CENPW: variants seen among roughly 807,000 people sequenced by gnomAD.
CENPW encodes the protein centromere protein W.
CENPW carries 3 observed loss-of-function variants against 11.1 expected under a neutral mutation model. The observed-to-expected ratio is 0.27, with a 90% confidence interval of 0.12 to 0.70. The LOEUF is 0.70. CENPW is among the 30% of genes least tolerant of loss of function. The pLI is 0.77. For synonymous variants in CENPW, 38 were observed against 42.0 expected (o/e 0.91, Z 0.37); for missense variants, 100 against 105.6 (o/e 0.95, Z 0.23).
At chr6:126,378,389 G>A in the CENPW span, among the ~76,000 whole-genome samples, 1 of 151,264 alleles carries the variant, frequency 6.6e-6, no homozygotes, top group Admixed American at 6.6e-5. Context: ...ACCATGGTAC[G>A]ACAACTCATT....
chr6:126,415,986 T>A, the CENPW span, among the ~76,000 whole-genome samples: 1 of 151,940 alleles, frequency 6.6e-6, no homozygotes, highest in Non-Finnish European at 1.5e-5. Context: ...CAGGCAGAGG[T>A]TGGAACAGTT....
At chr6:126,421,082 G>A in the CENPW span, among the ~76,000 whole-genome samples, 1 of 151,930 alleles carries the variant, frequency 6.6e-6, no homozygotes, top group African/African-American at 2.4e-5. Flanking sequence ...CCAGTACCAA[G>A]GGATTTGGAA....
At chr6:126,398,922 C>A in the CENPW span, among the ~76,000 whole-genome samples, 2 of 151,648 alleles carry the variant, frequency 1.3e-5, no homozygotes, top group African/African-American at 2.4e-5. Context: ...TATTTGATTC[C>A]GTTCCTGTGT....
downstream of CENPW, among the ~76,000 whole-genome samples, chr6:126,353,498 T>C (rs1780514807): frequency 6.6e-6 from 1 of 152,032 alleles, no homozygotes; most frequent in African/African-American, 2.4e-5. Flanking sequence ...TGCTAAAGGT[T>C]TTTCTTTCTG....
chr6:126,368,980 T>C, the CENPW span, among the ~76,000 whole-genome samples: 7 of 152,138 alleles, frequency 4.6e-5, no homozygotes, highest in African/African-American at 7.2e-5. Flanking sequence ...ATTGTATTAT[T>C]CTTATGTCTT....
chr6:126,449,039 T>C, the CENPW span, among the ~76,000 whole-genome samples: 9 of 151,262 alleles, frequency 5.9e-5, no homozygotes, highest in African/African-American at 1.9e-4. Flanking sequence ...GAATAATGGG[T>C]CAACTGATGC....
chr6:126,395,757 G>T, the CENPW span, among the ~76,000 whole-genome samples: 1 of 152,162 alleles, frequency 6.6e-6, no homozygotes, highest in African/African-American at 2.4e-5. Flanking sequence ...GGTACCCCTA[G>T]CCCAGTAACA....
At chr6:126,362,398 GC>G in the CENPW span, among the ~76,000 whole-genome samples, 1 of 152,136 alleles carries the variant, frequency 6.6e-6, no homozygotes, top group Admixed American at 6.5e-5. Context: ...GTGAGATTGA[GC>G]TGTCCCTCAG....
the CENPW span, among the ~76,000 whole-genome samples, chr6:126,402,644 G>C: frequency 2.0e-5 from 3 of 151,788 alleles, no homozygotes; most frequent in South Asian, 4.2e-4. Flanking sequence ...GCTTTATTTA[G>C]CATATGTTGG....
chr6:126,478,858 T>C, the CENPW span, among the ~76,000 whole-genome samples: 7 of 152,082 alleles, frequency 4.6e-5, no homozygotes, highest in African/African-American at 1.7e-4. Context: ...AACAACTGAG[T>C]TCTCCTGTTT....
chr6:126,460,130 A>G, the CENPW span, among the ~76,000 whole-genome samples: 4 of 151,582 alleles, frequency 2.6e-5, no homozygotes, highest in African/African-American at 9.7e-5. Flanking sequence ...AACTTAGTTC[A>G]TTATTTATCT....
chr6:126,372,827 A>G, the CENPW span, among the ~76,000 whole-genome samples: 508 of 152,304 alleles, frequency 3.3e-3, 2 homozygotes, highest in Non-Finnish European at 6.4e-3. Flanking sequence ...TGGAAATGCA[A>G]TCATTTCATT....
the CENPW span, among the ~76,000 whole-genome samples, chr6:126,414,060 A>G: frequency 2.0e-5 from 3 of 152,040 alleles, no homozygotes; most frequent in Non-Finnish European, 2.9e-5. Flanking sequence ...GTAAAAGACT[A>G]AAAAAAGACT....
the CENPW span, among the ~76,000 whole-genome samples, chr6:126,385,513 T>C: frequency 6.6e-6 from 1 of 152,114 alleles, no homozygotes; most frequent in African/African-American, 2.4e-5. Context: ...TTACTTAAAC[T>C]TTATGAAAGA....
the CENPW span, among the ~76,000 whole-genome samples, chr6:126,428,359 T>C: frequency 3.9e-5 from 6 of 152,226 alleles, no homozygotes; most frequent in Non-Finnish European, 7.4e-5. Flanking sequence ...ATTTTAATGT[T>C]ATTTCATAGA....
At chr6:126,395,659 T>C in the CENPW span, among the ~76,000 whole-genome samples, 1 of 152,122 alleles carries the variant, frequency 6.6e-6, no homozygotes, top group Non-Finnish European at 1.5e-5. Context: ...CACAATTTGG[T>C]CTTGTCTCTA....
chr6:126,381,295 C>T, the CENPW span, among the ~76,000 whole-genome samples: 3 of 152,138 alleles, frequency 2.0e-5, no homozygotes, highest in African/African-American at 7.2e-5. Context: ...CTGTTGTTGG[C>T]AGCAGTATCA....
chr6:126,442,580 A>G, the CENPW span, among the ~76,000 whole-genome samples: 1 of 151,332 alleles, frequency 6.6e-6, no homozygotes, highest in Non-Finnish European at 1.5e-5. Flanking sequence ...CATTTTAAAT[A>G]CTATCTCACT....
chr6:126,460,316 C>G, the CENPW span, among the ~76,000 whole-genome samples: 146 of 151,716 alleles, frequency 9.6e-4, 1 homozygote, highest in Non-Finnish European at 1.8e-3. Flanking sequence ...ATATTGTTCA[C>G]TAATACTCAA....
Sources: allele counts gnomAD v4.1 joint callset (sites outside exome capture counted in the v4.1 genomes callset), GRCh38; gene constraint gnomAD v4.1.1; transcripts MANE v1.5; gene names NCBI Gene and HGNC (gene_info 2026-07-23, HGNC 2026-07-21).